Variants in YWHAQ observed in about 807,000 individuals in gnomAD.
The protein encoded by YWHAQ is 14-3-3 protein theta.
YWHAQ carries 6 observed loss-of-function variants against 28.3 expected under a neutral mutation model. That is an observed-to-expected ratio of 0.21 (90% confidence interval 0.12 to 0.42). The LOEUF is 0.42. Ranked by LOEUF, YWHAQ falls within the 10% of genes least tolerant of loss-of-function variation. The pLI is 1.00. For synonymous variants in YWHAQ, 143 were observed against 119.1 expected (o/e 1.20, Z -1.31); for missense variants, 201 against 305.6 (o/e 0.66, Z 2.55).
chr2:9,584,062 C>T lies in YWHAQ; in HGVS notation c.*1224G>A, dbSNP rs1666300049. 1 of 152,334 alleles carries T rather than the reference C, an allele frequency of 6.6e-6. No homozygotes were observed. Among genetic ancestry groups the T allele is most frequent in the South Asian group, 2.1e-4 (1 of 4,824 alleles). 9.4% of individuals were successfully genotyped at this position (152,334 alleles called of 1,614,324 possible). On this transcript the variant is annotated 3_prime_UTR_variant, in exon 6 of 6. Coordinates refer to ENST00000238081, the MANE Select transcript of YWHAQ (RefSeq NM_006826.4). ...GGAAGAGATGGCCCATGAGACTGATCTATAGTAAAACACTCTAAGAAATGC... is the reference window on the plus strand; with the variant it reads ...GGAAGAGATGGCCCATGAGACTGATTTATAGTAAAACACTCTAAGAAATGC...
In YWHAQ at chr2:9,584,416, C is replaced by A. The variant is rs1666305169; in HGVS notation, c.*870G>T. On this transcript the variant is annotated 3_prime_UTR_variant, in exon 6 of 6. Coordinates refer to ENST00000238081, the MANE Select transcript of YWHAQ (RefSeq NM_006826.4). ...AATAACAATCACTAGACAAACTGGA[C>A]ACCCTCTCACATGTGCACAAATCTG... 1 of 152,652 alleles carries A rather than the reference C, an allele frequency of 6.6e-6. No homozygotes were observed. Among genetic ancestry groups the A allele is most frequent in the Non-Finnish European group, 1.5e-5 (1 of 68,050 alleles). The allele number at this position is 152,652 out of a possible 1,614,324, so 9.5% of individuals were successfully genotyped here.
intron 2 of YWHAQ, among the ~76,000 whole-genome samples, chr2:9,593,120 GC>G (rs1482401364): frequency 6.6e-6 from 1 of 152,068 alleles, no homozygotes; most frequent in Non-Finnish European, 1.5e-5. Context: ...TCACATAACT[GC>G]TAAAGAAAAG....
chr2:9,615,379 A>AT (rs897995016), intron 2 of YWHAQ: 4 of 151,720 alleles, frequency 2.6e-5, no homozygotes, highest in African/African-American at 9.7e-5. Context: ...CTTAAAAAGA[A>AT]TTTTTTTCAA....
intron 2 of YWHAQ, among the ~76,000 whole-genome samples, chr2:9,617,205 G>A (rs1001767529): frequency 2.5e-4 from 38 of 150,856 alleles, no homozygotes; most frequent in Admixed American, 1.8e-3. Context: ...CTCGTGATCC[G>A]CCCGCCTCGG....
intron 2 of YWHAQ, among the ~76,000 whole-genome samples, chr2:9,616,902 A>T (rs978310967): frequency 6.6e-6 from 1 of 152,224 alleles, no homozygotes; most frequent in African/African-American, 2.4e-5. Context: ...CTAAAGGTAG[A>T]AGCAACCCAA....
At chr2:9,621,354 G>C (rs538069998) in intron 2 of YWHAQ, among the ~76,000 whole-genome samples, 1 of 151,978 alleles carries the variant, frequency 6.6e-6, no homozygotes, top group African/African-American at 2.4e-5. Context: ...ATACATTCTC[G>C]TATCTTGAGG....
Position 9,604,575 on chromosome 2 carries a change from C to T in YWHAQ, c.295-13060G>A, listed in dbSNP as rs554086959. Reference sequence around the variant, plus strand: ...CACTTTTCTACGGATTTTTTCCAGTCAGGCCTCCCTATCAGCAGGTTCTAC... The same window carrying T: ...CACTTTTCTACGGATTTTTTCCAGTTAGGCCTCCCTATCAGCAGGTTCTAC... On this transcript the variant is annotated intron_variant, in intron 2 of 5. Coordinates refer to ENST00000238081, the MANE Select transcript of YWHAQ (RefSeq NM_006826.4). Among the ~76,000 whole-genome samples, 3 of 152,252 alleles carry T rather than the reference C, an allele frequency of 2.0e-5. No homozygotes were observed. The South Asian group carries it at 6.2e-4, about 32-fold the overall frequency.
chr2:9,617,283 C>G (rs1011282858), intron 2 of YWHAQ, among the ~76,000 whole-genome samples: 3 of 152,014 alleles, frequency 2.0e-5, no homozygotes, highest in Non-Finnish European at 4.4e-5. Context: ...TATTTCTATA[C>G]AGTGTAATAT....
intron 2 of YWHAQ, among the ~76,000 whole-genome samples, chr2:9,608,874 A>G (rs1403255969): frequency 6.6e-6 from 1 of 152,156 alleles, no homozygotes; most frequent in African/African-American, 2.4e-5. Flanking sequence ...CAGGAGGTAC[A>G]GGTTTGCAGT....
chr2:9,602,838 AAAAAAAAAAAAAAAAAAAAAAAAAAT>A (rs1339911990), intron 2 of YWHAQ, among the ~76,000 whole-genome samples: 18 of 24,684 alleles, frequency 7.3e-4, no homozygotes, highest in African/African-American at 2.4e-3. Flanking sequence ...TTAAAAAAAA[AAAAAAAAAAAAAAAAAAAAAAAAAAT>A]ATATATATAT....
At chr2:9,628,051 AG>A (rs908100153) in intron 2 of YWHAQ, among the ~76,000 whole-genome samples, 1 of 152,228 alleles carries the variant, frequency 6.6e-6, no homozygotes, top group African/African-American at 2.4e-5. Flanking sequence ...AAATCATCAG[AG>A]GGCAAAATCC....
Position 9,588,261 on chromosome 2 carries a change from G to A in YWHAQ, c.486C>T (p.Pro162=). The change falls in exon 4 of 6, where the codon CCC becomes CCT. Residue 162 remains proline, a synonymous_variant. Transcript: ENST00000238081. The part of the protein sequence containing the change: ...AFDISKKEMQ[P]THPIRLGLAL... ...CAAGCCCCAGGCGGATTGGGTGTGT[G>A]GGTTGCATCTCTTTCTTGCTTATAT... 2 of 1,609,628 alleles carry A rather than the reference G, an allele frequency of 1.2e-6. No homozygotes were observed. The highest frequency in any genetic ancestry group is 1.7e-4 in the Middle Eastern group (1 of 6,052).
At chr2:9,628,810 T>C (rs1011314415) in intron 2 of YWHAQ, 2 of 152,210 alleles carry the variant, frequency 1.3e-5, no homozygotes, top group Admixed American at 6.5e-5. Context: ...CACGGAAGAA[T>C]ACAACGAAGT....
intron 2 of YWHAQ, among the ~76,000 whole-genome samples, chr2:9,619,193 A>G (rs1219842931): frequency 3.3e-5 from 5 of 152,222 alleles, no homozygotes; most frequent in African/African-American, 1.2e-4. Flanking sequence ...GATTACAAGC[A>G]GAAATGTTCA....
intron 2 of YWHAQ, among the ~76,000 whole-genome samples, chr2:9,629,731 T>C (rs1412108314): frequency 6.6e-6 from 1 of 152,228 alleles, no homozygotes. Context: ...ATTACTGGGT[T>C]TGGGAAAAAA....
chr2:9,599,684 AG>A (rs1478086814), intron 2 of YWHAQ, among the ~76,000 whole-genome samples: 1 of 152,230 alleles, frequency 6.6e-6, no homozygotes, highest in African/African-American at 2.4e-5. Context: ...CAGAAAAAAA[AG>A]ATTCCTTTCA....
chr2:9,614,723 A>C (rs1667012379), intron 2 of YWHAQ, among the ~76,000 whole-genome samples: 1 of 152,244 alleles, frequency 6.6e-6, no homozygotes, highest in African/African-American at 2.4e-5. Context: ...AGTCTATGGC[A>C]AACTGAATTA....
rs1477660347 is a variant in YWHAQ, at chr2:9,608,172, G to A, written c.295-16657C>T. Among the ~76,000 whole-genome samples the A allele has an allele frequency of 4.6e-5, 7 of 152,014 alleles. 1 individual carries two copies. Among genetic ancestry groups the A allele is most frequent in the Admixed American group, 3.3e-4 (5 of 15,268 alleles). ...GGCAACACAGTGAGACTGAGCTTACGGAGAATACCTCCCTCTTCTACTAAA... is the reference window on the plus strand; with the variant it reads ...GGCAACACAGTGAGACTGAGCTTACAGAGAATACCTCCCTCTTCTACTAAA... On this transcript the variant is annotated intron_variant, in intron 2 of 5. Coordinates refer to ENST00000238081, the MANE Select transcript of YWHAQ (RefSeq NM_006826.4).
At chr2:9,590,409 T>C (rs1188623311) in intron 3 of YWHAQ, among the ~76,000 whole-genome samples, 2 of 152,208 alleles carry the variant, frequency 1.3e-5, no homozygotes, top group East Asian at 3.8e-4. Flanking sequence ...TACACTGATA[T>C]TTAGGATGGC....
Sources: gnomAD v4.1 joint callset for allele counts (sites outside exome capture counted in the v4.1 genomes callset) on GRCh38, gnomAD v4.1.1 for gene constraint, MANE v1.5 for transcripts, NCBI Gene and HGNC (gene_info 2026-07-23, HGNC 2026-07-21) for gene names.